Variants in VPS35L observed in about 807,000 individuals in gnomAD.
VPS35L encodes VPS35 endosomal protein sorting factor like, also known as VPS35 endosomal protein-sorting factor-like.
VPS35L carries 83 observed loss-of-function variants against 133.0 expected under a neutral mutation model. The observed-to-expected ratio is 0.62, with a 90% CI of 0.52 to 0.75. The LOEUF is 0.75. Ranked by LOEUF, VPS35L falls within the 30% of genes least tolerant of loss-of-function variation. VPS35L has a pLI of 0.00. For synonymous variants in VPS35L, 423 were observed against 449.9 expected (o/e 0.94, Z 0.76); for missense variants, 1,083 against 1,206.8 (o/e 0.90, Z 1.52).
At chr16:19,643,419 G>A (rs1358542849) in intron 22 of VPS35L, among the ~76,000 whole-genome samples, 9 of 152,126 alleles carry the variant, frequency 5.9e-5, no homozygotes, top group South Asian at 4.1e-4. Context: ...ATCATCCAGG[G>A]ACCCAGGTTA....
At chr16:19,667,754 A>G (rs1974743706) in intron 26 of VPS35L, among the ~76,000 whole-genome samples, 1 of 150,664 alleles carries the variant, frequency 6.6e-6, no homozygotes, top group Non-Finnish European at 1.5e-5. Flanking sequence ...AAAAAAAACC[A>G]GAAAAAAAAA....
At chr16:19,641,380 A>T (rs958645708) in intron 21 of VPS35L, among the ~76,000 whole-genome samples, 2 of 152,124 alleles carry the variant, frequency 1.3e-5, no homozygotes, top group Non-Finnish European at 2.9e-5. Context: ...TTTTATTTTT[A>T]GAGTTATATA....
chr16:19,581,965 C>A, intron 7 of VPS35L: 1 of 274,364 alleles, frequency 3.6e-6, no homozygotes, highest in Non-Finnish European at 6.9e-6. Context: ...CAACCCCTGA[C>A]ACATTTATGA....
intron 8 of VPS35L, among the ~76,000 whole-genome samples, chr16:19,592,466 C>G (rs142459316): frequency 2.0e-5 from 3 of 151,964 alleles, no homozygotes; most frequent in Admixed American, 6.6e-5. Flanking sequence ...GGTCCCTTGC[C>G]GTCTCACAGG....
chr16:19,681,763 G>T (rs964463410), intron 27 of VPS35L, among the ~76,000 whole-genome samples: 3 of 152,168 alleles, frequency 2.0e-5, no homozygotes, highest in Non-Finnish European at 4.4e-5. Context: ...TCTATTTAAA[G>T]TCACTGCCTC....
chr16:19,588,139 T>A lies in VPS35L; in HGVS notation c.640-3651T>A, dbSNP rs532838567. 2.2e-3 allele frequency among the ~76,000 whole-genome samples: 327 copies of A among 146,292 alleles called. 1 individual carries two copies. The highest frequency in any genetic ancestry group is 7.7e-3 in the African/African-American group (290 of 37,468). ...TTGATTACTATGGCATTATAGCAAGTTTGAAACTGGGTAATATAAGTATGT... is the reference window on the plus strand; with the variant it reads ...TTGATTACTATGGCATTATAGCAAGATTGAAACTGGGTAATATAAGTATGT... On this transcript the variant is annotated intron_variant, in intron 7 of 30. Coordinates refer to ENST00000417362, the MANE Select transcript of VPS35L (RefSeq NM_020314.7).
chr16:19,637,532 C>T, intron 19 of VPS35L, 62 bp from the exon 20 acceptor site: 1 of 1,266,394 alleles, frequency 7.9e-7, no homozygotes, highest in Non-Finnish European at 1.1e-6. Context: ...GAATGTAAAC[C>T]AGAAAGAAAT....
rs147063690 is a variant in VPS35L, at chr16:19,647,850, A to C, written c.1996A>C (p.Asn666His). Residue 666 changes from asparagine (N) to histidine (H), a missense_variant, in exon 24 of 31, where the codon AAT (asparagine) becomes CAT (histidine). By Grantham distance (68) the Asn-to-His change is moderately conservative (BLOSUM62 1). Coordinates refer to ENST00000417362, the MANE Select transcript of VPS35L (RefSeq NM_020314.7). Reference sequence around the variant, plus strand: ...TGTTGAGTCCAGGTCGATGTTTTGCAATCTGGAGCCTGTTCTTGTGCAGTT... The same window carrying C: ...TGTTGAGTCCAGGTCGATGTTTTGCCATCTGGAGCCTGTTCTTGTGCAGTT... ...FYVESRSMFC[N>H]LEPVLVQLIH... 1.2e-5 allele frequency: 19 copies of C among 1,613,958 alleles called. No homozygotes were observed. In the Admixed American group the frequency reaches 1.5e-4, roughly 13 times the overall value.
chr16:19,625,793 C>A (rs947725326), intron 14 of VPS35L, among the ~76,000 whole-genome samples: 2 of 152,134 alleles, frequency 1.3e-5, no homozygotes, highest in African/African-American at 2.4e-5. Flanking sequence ...CCTTCCTTAG[C>A]CCTCTGAGTA....
At chr16:19,582,660 A>G (rs1971746341) in intron 7 of VPS35L, among the ~76,000 whole-genome samples, 1 of 152,212 alleles carries the variant, frequency 6.6e-6, no homozygotes, top group Non-Finnish European at 1.5e-5. Flanking sequence ...AAACTATCTG[A>G]ACTAACAAGT....
chr16:19,601,257 A>G (rs1468400390), intron 8 of VPS35L, among the ~76,000 whole-genome samples: 1 of 152,122 alleles, frequency 6.6e-6, no homozygotes, highest in Non-Finnish European at 1.5e-5. Flanking sequence ...TTGGTAACCA[A>G]TTCAAAAAAT....
At chr16:19,659,763 G>A (rs9937150) in intron 26 of VPS35L, among the ~76,000 whole-genome samples, 2,965 of 152,274 alleles carry the variant, frequency 0.019, 88 homozygotes, top group African/African-American at 0.067. Flanking sequence ...TCACTTGGTG[G>A]CAGCACATCT....
intron 27 of VPS35L, among the ~76,000 whole-genome samples, chr16:19,677,578 T>C (rs1975107515): frequency 6.6e-6 from 1 of 152,132 alleles, no homozygotes; most frequent in Non-Finnish European, 1.5e-5. Flanking sequence ...GGTGAAATCC[T>C]GGAGGTGGGA....
At chr16:19,623,956 A>T (rs562053677) in intron 14 of VPS35L, among the ~76,000 whole-genome samples, 1 of 150,394 alleles carries the variant, frequency 6.6e-6, no homozygotes, top group East Asian at 2.0e-4. Context: ...AGCACACACC[A>T]CCATGCTTGG....
intron 2 of VPS35L, among the ~76,000 whole-genome samples, chr16:19,565,599 C>A (rs1971165192): frequency 6.6e-6 from 1 of 152,188 alleles, no homozygotes; most frequent in South Asian, 2.1e-4. Context: ...GTGATCCAAC[C>A]ACCTTGGCCT....
In VPS35L at chr16:19,633,097, A is replaced by AGGG; in HGVS notation, c.1561_1562insGGG (p.Arg520_Glu521insGly). ...GGTTCCTTTTTCCTGCTTAGAAACGAGAGGTGAATACCGTTTTGGCAGATG... is the reference window on the plus strand; with the variant it reads ...GGTTCCTTTTTCCTGCTTAGAAACGAGGGGAGGTGAATACCGTTTTGGCAGATG... On this transcript the variant is annotated inframe_insertion, in exon 19 of 31. Transcript: ENST00000417362. The surrounding 1 kb of genome is among the most constrained non-coding windows in gnomAD (Gnocchi z 4.1). 6.2e-7 allele frequency: 1 copy of AGGG among 1,614,180 alleles called. No individual in the cohort carries two copies. Among genetic ancestry groups the AGGG allele is most frequent in the Non-Finnish European group, 8.5e-7 (1 of 1,179,990 alleles).
intron 3 of VPS35L, among the ~76,000 whole-genome samples, chr16:19,570,761 C>T (rs1038387313): frequency 1.3e-4 from 19 of 147,242 alleles, no homozygotes; most frequent in African/African-American, 4.5e-4. Flanking sequence ...CAAGTCACAT[C>T]CAAGCTGGGA....
intron 28 of VPS35L, among the ~76,000 whole-genome samples, chr16:19,684,251 T>G (rs1052816739): frequency 6.6e-6 from 1 of 152,220 alleles, no homozygotes; most frequent in Admixed American, 6.5e-5. Flanking sequence ...CTTTTCCCAC[T>G]GAGCCCAAGT....
At chr16:19,664,378 G>A (rs978478667) in intron 26 of VPS35L, among the ~76,000 whole-genome samples, 2 of 151,954 alleles carry the variant, frequency 1.3e-5, no homozygotes, top group African/African-American at 4.8e-5. Context: ...GCAGTGCCGT[G>A]AGATGCGTCA....
Sources: gnomAD v4.1 joint callset for allele counts (sites outside exome capture counted in the v4.1 genomes callset) on GRCh38, gnomAD v4.1.1 for gene constraint, Gnocchi (gnomAD v3.1) non-coding constraint, MANE v1.5 for transcripts, NCBI Gene and HGNC (gene_info 2026-07-23, HGNC 2026-07-21) for gene names.